SLC12A2: variants seen among roughly 807,000 people sequenced by gnomAD.
SLC12A2 encodes the protein solute carrier family 12 member 2.
A neutral mutation model predicts 136.3 loss-of-function variants in SLC12A2; 67 were observed. The ratio of observed to expected loss-of-function variants is 0.49; its 90% confidence interval spans 0.40 to 0.60. The LOEUF (loss-of-function observed/expected upper bound fraction) is 0.60. SLC12A2 is among the 20% of genes least tolerant of loss of function. The pLI, the probability that SLC12A2 is intolerant of heterozygous loss-of-function variation, is 0.00. For synonymous variants in SLC12A2, 619 were observed against 562.9 expected (o/e 1.10, Z -1.41); for missense variants, 1,322 against 1,534.7 (o/e 0.86, Z 2.32).
At chr5:128,154,382 A>C (rs955772291) in intron 15 of SLC12A2, among the ~76,000 whole-genome samples, 1 of 152,008 alleles carries the variant, frequency 6.6e-6, no homozygotes, top group Non-Finnish European at 1.5e-5. Context: ...GTACCACTAC[A>C]TGCTAGCCTG....
intron 1 of SLC12A2, among the ~76,000 whole-genome samples, chr5:128,101,142 A>G (rs1179355831): frequency 2.0e-5 from 3 of 152,154 alleles, no homozygotes; most frequent in Non-Finnish European, 2.9e-5. Context: ...TTGAAAGAGT[A>G]GTCTGTATGG....
intron 13 of SLC12A2, among the ~76,000 whole-genome samples, chr5:128,150,808 T>A (rs1762678396): frequency 6.6e-6 from 1 of 151,900 alleles, no homozygotes; most frequent in Admixed American, 6.6e-5. Context: ...TAATGATTTT[T>A]ATGAACATTT....
rs1243566020 is a variant in SLC12A2 at position 128,084,278 on chromosome 5, T to A, written c.324T>A (p.Gly108=). 1.4e-6 allele frequency: 2 copies of A among 1,423,736 alleles called. No homozygotes were observed. Among genetic ancestry groups the A allele is most frequent in the Non-Finnish European group, 9.1e-7 (1 of 1,101,540 alleles). The allele number at this position is 1,423,736 out of a possible 1,614,324, so 88.2% of individuals were successfully genotyped here. A position where few individuals can be genotyped will look rare whatever the true frequency, so the allele number is the denominator to read the frequency against. The change falls in exon 1 of 27, where the codon GGT becomes GGA. Residue 108 remains glycine, a synonymous_variant. Transcript: ENST00000262461. This position sits in a 1 kb window ranked among gnomAD's most constrained non-coding sequence, Gnocchi z 5.6. The part of the protein sequence containing the change: ...AAAAAAAAAA[G]AGAGAKQTPA... ...CGGCGGCGGCAGCGGCGGCGGCTGG[T>A]GCTGGGGCGGGGGCCAAGCAGACCC...
At chr5:128,134,703 A>G (rs1427244112) in intron 6 of SLC12A2, among the ~76,000 whole-genome samples, 2 of 152,096 alleles carry the variant, frequency 1.3e-5, no homozygotes, top group African/African-American at 4.8e-5. Context: ...TAGGACTACC[A>G]AAGCCAGTAT....
chr5:128,111,789 C>T (rs1761155495), intron 1 of SLC12A2, among the ~76,000 whole-genome samples: 1 of 144,188 alleles, frequency 6.9e-6, no homozygotes, highest in South Asian at 2.2e-4. Context: ...AAAGTGTACG[C>T]ATATATATAT....
At chr5:128,174,765 C>A in intron 20 of SLC12A2, 99 bp downstream of exon 20, 2 of 999,108 alleles carry the variant, frequency 2.0e-6, no homozygotes, top group Non-Finnish European at 2.8e-6. Flanking sequence ...ATAACCTGTT[C>A]TCAAACTTGT....
At chr5:128,185,105 CCTT>C (rs1220059342) in intron 26 of SLC12A2, among the ~76,000 whole-genome samples, 6 of 151,834 alleles carry the variant, frequency 4.0e-5, no homozygotes, top group Non-Finnish European at 7.4e-5. Flanking sequence ...TTTTGTTTAC[CCTT>C]CTTCTCACCT....
At chr5:128,148,061 G>C (rs1003498703) in intron 11 of SLC12A2, among the ~76,000 whole-genome samples, 1 of 151,494 alleles carries the variant, frequency 6.6e-6, no homozygotes, top group African/African-American at 2.4e-5. Context: ...ATAGGAAGTA[G>C]TAAAATATCT....
intron 12 of SLC12A2, 37 bp downstream of exon 12, chr5:128,148,914 G>C: frequency 6.6e-7 from 1 of 1,516,938 alleles, no homozygotes; most frequent in Non-Finnish European, 8.9e-7. Flanking sequence ...GTAGATTTTT[G>C]GTGCATATTA....
intron 4 of SLC12A2, among the ~76,000 whole-genome samples, chr5:128,122,850 TC>T (rs1310958966): frequency 6.6e-6 from 1 of 152,076 alleles, no homozygotes; most frequent in Non-Finnish European, 1.5e-5. Flanking sequence ...GCTCCATAGT[TC>T]CTTTTTTTAA....
At position 128,189,262 on chromosome 5, in the gene SLC12A2, T is replaced by G. The variant is rs1763970949; in HGVS notation, c.*2631T>G. The G allele has an allele frequency of 6.6e-6, 1 of 152,180 alleles. No homozygotes were observed. The highest frequency in any genetic ancestry group is 2.4e-5 in the African/African-American group (1 of 41,456). 9.4% of individuals were successfully genotyped at this position (152,180 alleles called of 1,614,324 possible). On this transcript the variant is annotated 3_prime_UTR_variant, in exon 27 of 27. Transcript: ENST00000262461. The stretch of plus-strand genomic sequence containing the variant: ...TTTTTTTATGCCAAATTTTTTTTAG[T>G]TCTAATCATTGATGATAGCTTGGAA...
rs1581138965 is a variant in SLC12A2 at position 128,177,137 on chromosome 5, C to G, written c.2962C>G (p.Pro988Ala). The G allele has an allele frequency of 6.3e-7, 1 of 1,592,024 alleles. No homozygotes were observed. The highest frequency in any genetic ancestry group is 8.5e-7 in the Non-Finnish European group (1 of 1,172,248). ...EEEDGKTATQ[P>A]LLKKESKGPI... is the part of the protein sequence containing the mutation. ...AGAGGATGGCAAGACTGCAACTCAA[C>G]CACTGTTGAAAAAAGGCAGGCATTT... The change falls in exon 21 of 27, where the codon CCA becomes GCA. Residue 988 changes from proline to alanine, a missense_variant. Around this residue, in one of 8 missense-constraint regions of SLC12A2, gnomAD observed 226 missense variants for 210.4 expected, o/e 1.07. Coordinates refer to ENST00000262461, the MANE Select transcript of SLC12A2 (RefSeq NM_001046.3).
chr5:128,127,411 G>T (rs553491417), intron 4 of SLC12A2, among the ~76,000 whole-genome samples: 6 of 152,030 alleles, frequency 3.9e-5, no homozygotes, highest in Non-Finnish European at 8.8e-5. Context: ...GTGAGCCACC[G>T]TGCCTAGCCT....
chr5:128,180,254 G>A (rs751430999), intron 22 of SLC12A2, among the ~76,000 whole-genome samples: 12 of 152,028 alleles, frequency 7.9e-5, no homozygotes, highest in Non-Finnish European at 1.5e-4. Context: ...ACAGGTGTGA[G>A]CCACCACGCC....
At chr5:128,143,705 T>G (rs1289967756) in intron 10 of SLC12A2, among the ~76,000 whole-genome samples, 3 of 151,920 alleles carry the variant, frequency 2.0e-5, no homozygotes, top group African/African-American at 7.2e-5. Flanking sequence ...TATTGTAAAT[T>G]TATAGAGTAC....
In SLC12A2 at chr5:128,083,974, C is replaced by G; in HGVS notation, c.20C>G (p.Ala7Gly). 1 of 1,240,640 alleles carries G rather than the reference C, an allele frequency of 8.1e-7. No individual in the cohort carries two copies. The highest frequency in any genetic ancestry group is 1.6e-5 in the African/African-American group (1 of 63,978). 76.9% of individuals were successfully genotyped at this position (1,240,640 alleles called of 1,614,324 possible). Residue 7 changes from alanine to glycine, a missense_variant, in exon 1 of 27, where the codon GCG (alanine) becomes GGG (glycine). Ala to Gly is a moderately conservative substitution (Grantham distance 60). Around this residue, in one of 8 missense-constraint regions of SLC12A2, gnomAD observed 358 missense variants for 299.7 expected, o/e 1.19. Coordinates refer to ENST00000262461, the MANE Select transcript of SLC12A2 (RefSeq NM_001046.3). ...GCAGCTATGGAGCCGCGGCCCACGG[C>G]GCCCTCCTCCGGCGCCCCGGGACTG... is the stretch of plus-strand genomic sequence containing the variant. MEPRPT[A>G]PSSGAPGLAG...
intron 18 of SLC12A2, chr5:128,168,132 A>C (rs1763262174): frequency 4.4e-6 from 1 of 225,434 alleles, no homozygotes; most frequent in Non-Finnish European, 8.5e-6. Flanking sequence ...ATATGTATAC[A>C]CTCTGGCTTC....
intron 1 of SLC12A2, chr5:128,110,245 G>A (rs994599907): frequency 5.6e-5 from 45 of 807,000 alleles, no homozygotes; most frequent in African/African-American, 1.0e-4. Context: ...ACATCCATCC[G>A]ACCTTTTCCT....
In SLC12A2 at chr5:128,150,046, A is replaced by G. The variant is rs1345507215; in HGVS notation, c.2055A>G (p.Ser685=). The G allele has an allele frequency of 3.1e-6, 5 of 1,611,006 alleles. No individual in the cohort carries two copies. Among genetic ancestry groups the G allele is most frequent in the Non-Finnish European group, 4.2e-6 (5 of 1,178,602 alleles). The change falls in exon 13 of 27, where the codon TCA becomes TCG. Residue 685 remains serine, a synonymous_variant. Transcript: ENST00000262461. ...APIISNFFLA[S]YALINFSVFH... The stretch of plus-strand genomic sequence containing the variant: ...TTATCTCAAACTTCTTCCTTGCATC[A>G]TATGCATTGATCAATTTTTCAGTAT...
Sources: gnomAD v4.1 joint callset for allele counts (sites outside exome capture counted in the v4.1 genomes callset) on GRCh38, gnomAD v4.1.1 for gene constraint, gnomAD v4.1.1 regional missense constraint, Gnocchi (gnomAD v3.1) non-coding constraint, MANE v1.5 for transcripts, NCBI Gene and HGNC (gene_info 2026-07-23, HGNC 2026-07-21) for gene names.